ELL: variants seen among roughly 807,000 people sequenced by gnomAD.
ELL encodes elongation factor for RNA polymerase II.
In ELL, 18 loss-of-function variants were observed where a neutral mutation model predicts 64.0. The ratio of observed to expected loss-of-function variants is 0.28; its 90% CI spans 0.19 to 0.42. The LOEUF is 0.42. Ranked by LOEUF, ELL falls within the 10% of genes least tolerant of loss-of-function variation. The probability of loss-of-function intolerance (pLI) is 1.00; values close to 1 mark genes in which losing one functional copy is unlikely to be tolerated. For missense variants in ELL, 797 were observed against 870.4 expected (o/e 0.92, Z 1.06); for synonymous variants, 399 against 376.2 (o/e 1.06, Z -0.70).
Position 18,450,853 on chromosome 19 carries a change from C to A in ELL, c.1089G>T (p.Glu363Asp). ...NGKLGVPNGREALLPTPGPPA... is the reference protein window; with the variant it reads ...NGKLGVPNGRDALLPTPGPPA... The stretch of plus-strand genomic sequence containing the variant: ...GTGGGCCCGGGGTGGGCAGCAAGGC[C>A]TCACGGCCATTGGGCACGCCCAGCT... Residue 363 changes from glutamate to aspartate, a missense_variant, in exon 8 of 12, where the codon GAG becomes GAT. Physicochemically the swap from Glu to Asp is conservative, Grantham distance 45. Transcript: ENST00000262809. The A allele has an allele frequency of 6.3e-7, 1 of 1,591,346 alleles. No individual in the cohort carries two copies.
Position 18,451,599 on chromosome 19 carries a change from C to T in ELL, c.919G>A (p.Ala307Thr). 1 of 1,500,802 alleles carries T rather than the reference C, an allele frequency of 6.7e-7. No homozygotes were observed. Among genetic ancestry groups the T allele is most frequent in the Non-Finnish European group, 8.8e-7 (1 of 1,131,912 alleles). 93.0% of individuals were successfully genotyped at this position (1,500,802 alleles called of 1,614,324 possible). The stretch of plus-strand genomic sequence containing the variant: ...CCACGCTCGCCTGGGGGGCTGGAGG[C>T]AGCAGGGTCTCCAAGGAGGCTGCCA... ...STGSLLGDPA[A>T]SSPPGERGRS... The change falls in exon 7 of 12, where the codon GCC becomes ACC. Residue 307 changes from alanine to threonine, a missense_variant. Coordinates refer to ENST00000262809, the MANE Select transcript of ELL (RefSeq NM_006532.4).
chr19:18,477,968 G>A (rs1975214897), intron 1 of ELL, among the ~76,000 whole-genome samples: 1 of 152,188 alleles, frequency 6.6e-6, no homozygotes, highest in Admixed American at 6.5e-5. Flanking sequence ...ACTGGGTGGG[G>A]GGGATGAGAA....
intron 2 of ELL, 166 bp downstream of exon 2, chr19:18,472,669 G>T: frequency 2.5e-6 from 2 of 792,326 alleles, no homozygotes; most frequent in Non-Finnish European, 4.0e-6. Context: ...TCCTGGTGTG[G>T]CCCCAGCCAA....
At chr19:18,474,985 G>A (rs184945982) in intron 1 of ELL, among the ~76,000 whole-genome samples, 3 of 152,294 alleles carry the variant, frequency 2.0e-5, no homozygotes, top group East Asian at 1.9e-4. Flanking sequence ...TTAGCTGGGC[G>A]TGGCAGTGGG....
At chr19:18,473,133 G>C in intron 1 of ELL, 1 of 678,566 alleles carries the variant, frequency 1.5e-6, no homozygotes, top group South Asian at 1.5e-5. Context: ...GGGGCCTCCA[G>C]ACACAGGCAA....
intron 1 of ELL, among the ~76,000 whole-genome samples, chr19:18,494,175 T>C (rs191221511): frequency 0.011 from 1,686 of 151,540 alleles, 31 homozygotes; most frequent in African/African-American, 0.039. Context: ...TATAGTGAGC[T>C]GTGATCAAGC....
chr19:18,484,289 C>A (rs1975366502), intron 1 of ELL, among the ~76,000 whole-genome samples: 2 of 152,038 alleles, frequency 1.3e-5, no homozygotes, highest in Admixed American at 1.3e-4. Context: ...CGTGGTGAAA[C>A]CCCCATCTCT....
chr19:18,518,926 G>A (rs757180856), intron 1 of ELL, among the ~76,000 whole-genome samples: 12 of 152,138 alleles, frequency 7.9e-5, no homozygotes, highest in Non-Finnish European at 1.6e-4. Flanking sequence ...GAGCCCTCTG[G>A]GGAGAGAAAA....
Position 18,446,435 on chromosome 19 carries a change from C to T in ELL, c.1578G>A (p.Lys526=), listed in dbSNP as rs780413576. ...CGCTGTACTCGGCATTGAAGTCGTT[C>T]TTGTAGCTCTGGCGCTGCTCCGAAG... The part of the protein sequence containing the change: ...ISSSEQRQSY[K]NDFNAEYSEY... Residue 526 remains lysine, a synonymous_variant, in exon 10 of 12, where the codon AAG becomes AAA. Coordinates refer to ENST00000262809, the MANE Select transcript of ELL (RefSeq NM_006532.4). 1 of 1,612,994 alleles carries T rather than the reference C, an allele frequency of 6.2e-7. No homozygotes were observed. The highest frequency in any genetic ancestry group is 1.1e-5 in the South Asian group (1 of 90,922).
chr19:18,470,868 C>A, intron 2 of ELL: 1 of 443,362 alleles, frequency 2.3e-6, no homozygotes, highest in East Asian at 7.1e-5. Flanking sequence ...TACAGACTCC[C>A]CAGCCCACAG....
At chr19:18,503,724 G>T (rs1174680022) in intron 1 of ELL, among the ~76,000 whole-genome samples, 1 of 152,160 alleles carries the variant, frequency 6.6e-6, no homozygotes, top group Non-Finnish European at 1.5e-5. Flanking sequence ...TGGAGAATGG[G>T]CTGTTCCCAA....
At chr19:18,454,869 C>T (rs1974624006) in intron 6 of ELL, among the ~76,000 whole-genome samples, 1 of 128,192 alleles carries the variant, frequency 7.8e-6, no homozygotes, top group South Asian at 2.5e-4. Context: ...GGCATCCTGG[C>T]TGGGCACGGT....
At chr19:18,494,227 G>A (rs1477274926) in intron 1 of ELL, among the ~76,000 whole-genome samples, 8 of 146,780 alleles carry the variant, frequency 5.5e-5, no homozygotes, top group African/African-American at 1.0e-4. Context: ...ACCCTGCCAC[G>A]AAAAAAATTT....
chr19:18,460,291 G>A (rs955506106), intron 5 of ELL, among the ~76,000 whole-genome samples: 1 of 152,196 alleles, frequency 6.6e-6, no homozygotes, highest in Non-Finnish European at 1.5e-5. Flanking sequence ...ACAGCTGCTT[G>A]GGGGGAAGCA....
intron 1 of ELL, among the ~76,000 whole-genome samples, chr19:18,495,453 G>A (rs1975628835): frequency 6.6e-6 from 1 of 152,192 alleles, no homozygotes; most frequent in South Asian, 2.1e-4. Flanking sequence ...CATCAGGGAG[G>A]GCACAACACC....
At chr19:18,465,628 A>T in intron 3 of ELL, 53 bp from the exon 4 acceptor site, 1 of 1,510,350 alleles carries the variant, frequency 6.6e-7, no homozygotes. Flanking sequence ...TGCAGGGAGG[A>T]TCCGTTGAGG....
intron 1 of ELL, among the ~76,000 whole-genome samples, chr19:18,490,776 C>G (rs972575092): frequency 2.0e-5 from 3 of 152,180 alleles, no homozygotes; most frequent in African/African-American, 7.2e-5. Flanking sequence ...AATCTCCCAG[C>G]AGGTACCCAC....
rs570187359 is a variant in ELL, at chr19:18,473,222, C to T, written c.136-340G>A. ...AGCCACCACCAGCCTGTGAATCCAC[C>T]GGGAGAGAAGGGCAAGGCTCAAGGT... On this transcript the variant is annotated intron_variant, in intron 1 of 11. Transcript: ENST00000262809. 3.6e-4 allele frequency: 211 copies of T among 585,258 alleles called. 2 individuals carry two copies. Among genetic ancestry groups the T allele is most frequent in the Admixed American group, 1.1e-3 (50 of 46,350 alleles). The allele number at this position is 585,258 out of a possible 1,614,324, so 36.3% of individuals were successfully genotyped here. A position where few individuals can be genotyped will look rare whatever the true frequency, so the allele number is the denominator to read the frequency against.
chr19:18,496,985 C>T (rs141695697), intron 1 of ELL, among the ~76,000 whole-genome samples: 1 of 152,192 alleles, frequency 6.6e-6, no homozygotes, highest in Non-Finnish European at 1.5e-5. Flanking sequence ...TCAACAGATT[C>T]CTGAAAAACT....
Sources: allele counts gnomAD v4.1 joint callset (sites outside exome capture counted in the v4.1 genomes callset), GRCh38; gene constraint gnomAD v4.1.1; transcripts MANE v1.5; gene names NCBI Gene and HGNC (gene_info 2026-07-23, HGNC 2026-07-21).